The following SYN3 variants were observed in gnomAD, a reference collection of about 807,000 sequenced individuals.
The protein encoded by SYN3 is synapsin III, also known as synapsin-3.
In SYN3, 35 loss-of-function variants were observed where a neutral mutation model predicts 65.8. That is an observed-to-expected ratio of 0.53 (90% CI 0.41 to 0.70). SYN3 has a LOEUF of 0.70. Ranked by LOEUF, SYN3 falls within the 30% of genes least tolerant of loss-of-function variation. SYN3 has a pLI of 0.00. For synonymous variants in SYN3, 270 were observed against 292.9 expected (o/e 0.92, Z 0.80); for missense variants, 680 against 749.0 (o/e 0.91, Z 1.08).
At chr22:32,983,934 C>T (rs1024604168) in intron 2 of SYN3, among the ~76,000 whole-genome samples, 8 of 151,908 alleles carry the variant, frequency 5.3e-5, no homozygotes, top group South Asian at 4.1e-4. Context: ...CTGAGGCAGG[C>T]GGATCACGAG....
At chr22:32,887,607 C>G (rs555506503) in intron 4 of SYN3, among the ~76,000 whole-genome samples, 2 of 152,152 alleles carry the variant, frequency 1.3e-5, no homozygotes, top group Non-Finnish European at 2.9e-5. Context: ...CCCTGGCCCC[C>G]ACAAACTGTG....
chr22:32,613,640 T>G (rs1317187217), intron 6 of SYN3, among the ~76,000 whole-genome samples: 3 of 152,240 alleles, frequency 2.0e-5, no homozygotes, highest in Non-Finnish European at 2.9e-5. Context: ...GATTCGTTGA[T>G]GGGATTCATT....
intron 7 of SYN3, among the ~76,000 whole-genome samples, chr22:32,552,227 C>G (rs533690381): frequency 6.6e-5 from 10 of 152,194 alleles, no homozygotes; most frequent in Admixed American, 2.6e-4. Context: ...GCCCGGGTGA[C>G]AGAGTGAGAC....
intron 4 of SYN3, among the ~76,000 whole-genome samples, chr22:32,909,806 A>G (rs1010928701): frequency 3.3e-5 from 5 of 152,186 alleles, no homozygotes; most frequent in Non-Finnish European, 5.9e-5. Context: ...CAGAGCCAGT[A>G]GCATGAGCCC....
intron 6 of SYN3, among the ~76,000 whole-genome samples, chr22:32,651,363 G>A (rs1400732666): frequency 6.6e-6 from 1 of 152,166 alleles, no homozygotes. Context: ...GCAAGAATCT[G>A]AGAAAGGCCA....
At chr22:33,058,138 T>G (rs1160602487) in intron 1 of SYN3, among the ~76,000 whole-genome samples, 154 bp downstream of exon 1, 6 of 152,080 alleles carry the variant, frequency 3.9e-5, no homozygotes, top group African/African-American at 1.4e-4. Flanking sequence ...CCTCCCTCCC[T>G]GCCCCTCCGT....
chr22:32,814,131 TGTGTGTGTGTGAGA>T (rs1285312201), intron 6 of SYN3, among the ~76,000 whole-genome samples: 169 of 134,634 alleles, frequency 1.3e-3, no homozygotes, highest in African/African-American at 1.9e-3. Flanking sequence ...TGTGTGTGTG[TGTGTGTGTGTGAGA>T]GAGAGAGAGA....
chr22:32,978,267 G>A (rs1260001595), intron 3 of SYN3, among the ~76,000 whole-genome samples: 1 of 152,022 alleles, frequency 6.6e-6, no homozygotes, highest in Non-Finnish European at 1.5e-5. Flanking sequence ...TATCAGATGC[G>A]GAGTCAGCAG....
chr22:32,916,076 C>T (rs1340496941), intron 4 of SYN3, among the ~76,000 whole-genome samples: 1 of 152,202 alleles, frequency 6.6e-6, no homozygotes, highest in Non-Finnish European at 1.5e-5. Flanking sequence ...AAACCAGCTA[C>T]CACATGAGAA....
intron 6 of SYN3, among the ~76,000 whole-genome samples, chr22:32,741,160 C>G (rs2061399901): frequency 6.6e-6 from 1 of 152,100 alleles, no homozygotes; most frequent in Non-Finnish European, 1.5e-5. Context: ...TAGGCTGGTA[C>G]TTACAGACAT....
At chr22:32,868,273 A>G (rs1000791856) in intron 5 of SYN3, among the ~76,000 whole-genome samples, 4 of 149,338 alleles carry the variant, frequency 2.7e-5, no homozygotes, top group Admixed American at 1.3e-4. Flanking sequence ...ATGTTATATA[A>G]TAACATGTTT....
At chr22:32,920,024 G>C (rs1367569939) in intron 4 of SYN3, among the ~76,000 whole-genome samples, 1 of 152,184 alleles carries the variant, frequency 6.6e-6, no homozygotes, top group Non-Finnish European at 1.5e-5. Context: ...TGGGAGCTGG[G>C]GAGGGGGAGG....
chr22:32,666,329 C>T (rs1282754638), intron 6 of SYN3, among the ~76,000 whole-genome samples: 4 of 146,948 alleles, frequency 2.7e-5, no homozygotes, highest in Non-Finnish European at 5.9e-5. Context: ...AAGAATAACC[C>T]AAACCAAACA....
chr22:32,556,834 T>TTTTG (rs1569035464), intron 7 of SYN3, among the ~76,000 whole-genome samples: 1 of 129,288 alleles, frequency 7.7e-6, no homozygotes, highest in Admixed American at 8.2e-5. Flanking sequence ...TTTTTTTTTT[T>TTTTG]TGTGTGTAGA....
intron 6 of SYN3, among the ~76,000 whole-genome samples, chr22:32,779,896 C>T (rs1301244626): frequency 2.0e-5 from 3 of 151,970 alleles, no homozygotes; most frequent in African/African-American, 7.3e-5. Context: ...AAGCCAAACA[C>T]AGCAGGGGAG....
At chr22:32,893,221 C>G (rs897661428) in intron 4 of SYN3, among the ~76,000 whole-genome samples, 4 of 152,168 alleles carry the variant, frequency 2.6e-5, no homozygotes, top group East Asian at 1.9e-4. Flanking sequence ...GCTCTGCCCC[C>G]CTCCCAGGAC....
intron 4 of SYN3, among the ~76,000 whole-genome samples, chr22:32,896,013 C>T (rs1205659992): frequency 6.6e-6 from 1 of 152,138 alleles, no homozygotes; most frequent in Admixed American, 6.5e-5. Context: ...TAGAAAAATG[C>T]TCAATAAATG....
At chr22:32,891,993 T>TAATAAC (rs1169123975) in intron 4 of SYN3, among the ~76,000 whole-genome samples, 1 of 150,958 alleles carries the variant, frequency 6.6e-6, no homozygotes, top group Non-Finnish European at 1.5e-5. Context: ...ATAATAATAA[T>TAATAAC]AATAATAATA....
At chr22:33,003,265 G>A (rs1411926945) in intron 2 of SYN3, among the ~76,000 whole-genome samples, 1 of 152,174 alleles carries the variant, frequency 6.6e-6, no homozygotes, top group Non-Finnish European at 1.5e-5. Context: ...AAGTGACTTT[G>A]GAACTGGATG....
Sources: gnomAD v4.1 joint callset for allele counts (sites outside exome capture counted in the v4.1 genomes callset) on GRCh38, gnomAD v4.1.1 for gene constraint, MANE v1.5 for transcripts, NCBI Gene and HGNC (gene_info 2026-07-23, HGNC 2026-07-21) for gene names.